The following NPSR1 variants were observed in gnomAD, a reference collection of about 807,000 sequenced individuals.
NPSR1 encodes the protein neuropeptide S receptor 1.
NPSR1 carries 48 observed loss-of-function variants against 46.9 expected under a neutral mutation model. That is an observed-to-expected ratio of 1.02 (90% CI 0.81 to 1.30). The LOEUF (loss-of-function observed/expected upper bound fraction) is 1.30. Among genes scored for constraint, NPSR1 ranks in the 50% most tolerant of loss-of-function variants. The pLI is 0.00. For missense variants in NPSR1, 450 were observed against 449.5 expected, an observed-to-expected ratio of 1.00 and a Z score of -0.01; for synonymous variants, 176 against 168.1, an observed-to-expected ratio of 1.05 and a Z score of -0.36.
chr7:34,682,800 T>A (rs997923216), intron 1 of NPSR1, among the ~76,000 whole-genome samples: 2 of 152,212 alleles, frequency 1.3e-5, no homozygotes, highest in Admixed American at 6.5e-5. Context: ...ATTTCAAGAC[T>A]GCTAGAGAAA....
intron 2 of NPSR1, among the ~76,000 whole-genome samples, chr7:34,693,800 C>A (rs923525255): frequency 6.6e-6 from 1 of 152,158 alleles, no homozygotes; most frequent in Non-Finnish European, 1.5e-5. Context: ...GATAATACAT[C>A]ACAATCAAGT....
intron 5 of NPSR1, among the ~76,000 whole-genome samples, chr7:34,831,313 T>TCA (rs34669905): frequency 0.022 from 3,330 of 148,136 alleles, 64 homozygotes; most frequent in African/African-American, 0.051. Flanking sequence ...CTCACACACA[T>TCA]CACACACACA....
At chr7:34,736,976 T>A (rs1784706098) in intron 2 of NPSR1, among the ~76,000 whole-genome samples, 1 of 151,334 alleles carries the variant, frequency 6.6e-6, no homozygotes, top group South Asian at 2.1e-4. Context: ...CATCTCGCAC[T>A]GCCCTGAACT....
At chr7:34,872,398 T>A (rs1791478899) in intron 8 of NPSR1, among the ~76,000 whole-genome samples, 1 of 151,976 alleles carries the variant, frequency 6.6e-6, no homozygotes, top group Non-Finnish European at 1.5e-5. Context: ...AAGGCCTTTT[T>A]CCCATTCTCT....
In NPSR1 at chr7:34,869,696, C is replaced by T. The variant is rs547033013; in HGVS notation, c.1026-8380C>T. On this transcript the variant is annotated intron_variant, in intron 8 of 8. Transcript: ENST00000359791. ...TATTTATCAAGTGCCAACTCTATCC[C>T]AGACTACTGTTAAGAGTGGTAGGGA... 3.9e-5 allele frequency among the ~76,000 whole-genome samples: 6 copies of T among 151,938 alleles called. 1 individual carries two copies. The highest frequency in any genetic ancestry group is 1.5e-4 in the African/African-American group (6 of 41,192).
intron 4 of NPSR1, among the ~76,000 whole-genome samples, chr7:34,825,342 A>G (rs1789773120): frequency 6.6e-6 from 1 of 152,100 alleles, no homozygotes. Flanking sequence ...TACTGTCCTA[A>G]TCACAGGTGA....
chr7:34,857,590 A>G (rs1284810133), intron 8 of NPSR1, among the ~76,000 whole-genome samples: 1 of 151,774 alleles, frequency 6.6e-6, no homozygotes, highest in Non-Finnish European at 1.5e-5. Context: ...TTATATGTCA[A>G]ATTGGTTCCA....
intron 2 of NPSR1, among the ~76,000 whole-genome samples, chr7:34,760,287 T>G (rs931395853): frequency 2.0e-5 from 3 of 152,214 alleles, no homozygotes; most frequent in Admixed American, 2.0e-4. Flanking sequence ...TTGGCCCTAT[T>G]CATTGCATCA....
At chr7:34,770,526 A>G (rs1044631041) in intron 2 of NPSR1, among the ~76,000 whole-genome samples, 3 of 152,222 alleles carry the variant, frequency 2.0e-5, no homozygotes, top group Admixed American at 2.0e-4. Context: ...GAACTATACC[A>G]TGTGAATGGT....
chr7:34,698,132 T>C (rs888254443), intron 2 of NPSR1, among the ~76,000 whole-genome samples: 1 of 152,184 alleles, frequency 6.6e-6, no homozygotes, highest in African/African-American at 2.4e-5. Context: ...GCTGTGATTC[T>C]TGGAATCACT....
intron 5 of NPSR1, 116 bp from the exon 6 acceptor site, chr7:34,834,268 G>T: frequency 1.3e-6 from 1 of 766,952 alleles, no homozygotes; most frequent in South Asian, 1.5e-5. Flanking sequence ...GGCAGGCATG[G>T]TTAAAAGATC....
intron 8 of NPSR1, among the ~76,000 whole-genome samples, chr7:34,877,133 G>C (rs756593000): frequency 5.3e-5 from 8 of 152,188 alleles, no homozygotes; most frequent in Non-Finnish European, 1.0e-4. Flanking sequence ...CAATCATTCT[G>C]ATGGCCGAAA....
At chr7:34,822,295 A>G (rs1034984521) in intron 4 of NPSR1, among the ~76,000 whole-genome samples, 3 of 152,338 alleles carry the variant, frequency 2.0e-5, no homozygotes, top group Non-Finnish European at 2.9e-5. Context: ...AGCCGTAGAA[A>G]GAAGAGATTC....
chr7:34,790,899 A>T (rs1787759149), intron 3 of NPSR1, among the ~76,000 whole-genome samples: 1 of 134,692 alleles, frequency 7.4e-6, no homozygotes, highest in Admixed American at 8.0e-5. Context: ...CATATATGTT[A>T]TATGTTATAT....
At chr7:34,762,052 C>A (rs1738490294) in intron 2 of NPSR1, among the ~76,000 whole-genome samples, 1 of 152,122 alleles carries the variant, frequency 6.6e-6, no homozygotes, top group Admixed American at 6.5e-5. Context: ...ACAACAGAGG[C>A]AAAGAGAGTA....
intron 2 of NPSR1, among the ~76,000 whole-genome samples, chr7:34,690,772 G>T (rs572344671): frequency 2.5e-4 from 38 of 152,230 alleles, no homozygotes; most frequent in African/African-American, 8.7e-4. Flanking sequence ...GTATTTCAAA[G>T]GGTGAAGAAG....
chr7:34,802,505 A>C lies in NPSR1; in HGVS notation c.385-9265A>C, dbSNP rs574778448. ...TAATAAACGGTGCTGGGAAAACTGG[A>C]TAGCCATATGTAGAAAGCTGAAACT... On this transcript the variant is annotated intron_variant, in intron 3 of 8. Coordinates refer to ENST00000360581, the MANE Select transcript of NPSR1 (RefSeq NM_207172.2). 1.5e-3 allele frequency among the ~76,000 whole-genome samples: 226 copies of C among 150,464 alleles called. 6 individuals are homozygous for C. The East Asian group carries it at 0.034, about 22-fold the overall frequency.
chr7:34,838,028 C>G (rs1476594704), intron 6 of NPSR1, among the ~76,000 whole-genome samples: 1 of 152,140 alleles, frequency 6.6e-6, no homozygotes, highest in Non-Finnish European at 1.5e-5. Flanking sequence ...ACATGCTCCT[C>G]CCTGCTTGTC....
chr7:34,763,480 T>C (rs1193008412), intron 2 of NPSR1, among the ~76,000 whole-genome samples: 2 of 152,044 alleles, frequency 1.3e-5, no homozygotes, highest in Non-Finnish European at 2.9e-5. Flanking sequence ...TAATAATCTC[T>C]GTTATCCCAT....
Sources: gnomAD v4.1 joint callset for allele counts (sites outside exome capture counted in the v4.1 genomes callset) on GRCh38, gnomAD v4.1.1 for gene constraint, MANE v1.5 for transcripts, NCBI Gene and HGNC (gene_info 2026-07-23, HGNC 2026-07-21) for gene names.